The following LDLRAD3 variants were observed in gnomAD, a reference collection of about 807,000 sequenced individuals.
LDLRAD3 encodes low-density lipoprotein receptor class A domain-containing protein 3.
In LDLRAD3, 20 loss-of-function variants were observed where a neutral mutation model predicts 29.4. That is an observed-to-expected ratio of 0.68 (90% CI 0.48 to 0.99). The LOEUF is 0.99. Ranked by LOEUF, LDLRAD3 falls within the 50% of genes least tolerant of loss-of-function variation. LDLRAD3 has a pLI of 0.00. For synonymous variants in LDLRAD3, 157 were observed against 192.7 expected (o/e 0.81, Z 1.53); for missense variants, 420 against 454.3 (o/e 0.92, Z 0.69).
chr11:36,112,485 T>C (rs995783846), intron 4 of LDLRAD3, among the ~76,000 whole-genome samples: 1 of 152,248 alleles, frequency 6.6e-6, no homozygotes, highest in Non-Finnish European at 1.5e-5. Flanking sequence ...CCTCAGCAAC[T>C]TCCAGACCGT....
rs1428468733 is a variant in LDLRAD3 at position 35,990,705 on chromosome 11, C to T, written c.47-45398C>T. Among the ~76,000 whole-genome samples, 13 of 151,822 alleles carry T rather than the reference C, an allele frequency of 8.6e-5. No homozygotes were observed. In the South Asian group the frequency reaches 1.0e-3, roughly 12 times the overall value. ...TGCTGGGATTACAGGTGTAAGCCAC[C>T]GTGCCTGGCCTCTGCCTCCATCTTC... is the stretch of plus-strand genomic sequence containing the variant. On this transcript the variant is annotated intron_variant, in intron 1 of 5. Coordinates refer to ENST00000315571, the MANE Select transcript of LDLRAD3 (RefSeq NM_174902.4).
intron 1 of LDLRAD3, among the ~76,000 whole-genome samples, chr11:35,994,111 C>T (rs1005025823): frequency 1.3e-5 from 2 of 151,998 alleles, no homozygotes; most frequent in African/African-American, 4.8e-5. Flanking sequence ...CAGTCCTGTA[C>T]TTCAGCAGGG....
rs976327031 is a variant in LDLRAD3 at position 36,231,299 on chromosome 11, A to G, written c.*1902A>G. ...TGGTATTTTGTTTTGTTTAAAAAAA[A>G]AAAGAAAGAAAGAAAGAAAGAAAAA... is the stretch of plus-strand genomic sequence containing the variant. On this transcript the variant is annotated 3_prime_UTR_variant, in exon 6 of 6. Transcript: ENST00000315571. 7.2e-5 allele frequency: 11 copies of G among 152,252 alleles called. No homozygotes were observed. The South Asian group carries it at 8.3e-4, about 11-fold the overall frequency. 9.4% of individuals were successfully genotyped at this position (152,252 alleles called of 1,614,324 possible).
intron 1 of LDLRAD3, among the ~76,000 whole-genome samples, chr11:35,978,863 T>C (rs1851506412): frequency 6.6e-6 from 1 of 152,210 alleles, no homozygotes; most frequent in Non-Finnish European, 1.5e-5. Flanking sequence ...GCTTATCCTC[T>C]GAGGGGCACA....
At chr11:36,049,933 C>T (rs954602833) in intron 2 of LDLRAD3, among the ~76,000 whole-genome samples, 1 of 152,180 alleles carries the variant, frequency 6.6e-6, no homozygotes, top group Admixed American at 6.5e-5. Flanking sequence ...ATCTTGGCTC[C>T]TGCTGTCTCC....
rs1852408829 is a variant in LDLRAD3, at chr11:36,043,494, C to T, written c.193+7245C>T. Among the ~76,000 whole-genome samples, 3 of 152,322 alleles carry T rather than the reference C, an allele frequency of 2.0e-5. No individual in the cohort carries two copies. The South Asian group carries it at 6.2e-4, about 32-fold the overall frequency. On this transcript the variant is annotated intron_variant, in intron 2 of 5. Coordinates refer to ENST00000315571, the MANE Select transcript of LDLRAD3 (RefSeq NM_174902.4). ...ATAGGATATGTTGAAATCCAAACCCCCGGTATCTCAGAATGTGACCTTATT... is the reference window on the plus strand; with the variant it reads ...ATAGGATATGTTGAAATCCAAACCCTCGGTATCTCAGAATGTGACCTTATT...
chr11:35,969,424 A>G (rs1319197613), intron 1 of LDLRAD3, among the ~76,000 whole-genome samples: 2 of 152,254 alleles, frequency 1.3e-5, no homozygotes, highest in Admixed American at 6.5e-5. Context: ...TCCACTCTGC[A>G]GAAGCTTATG....
chr11:35,971,400 G>C (rs989217652), intron 1 of LDLRAD3, among the ~76,000 whole-genome samples: 21 of 152,104 alleles, frequency 1.4e-4, no homozygotes, highest in Non-Finnish European at 5.9e-5. Flanking sequence ...TGGAGATAGG[G>C]CCTTTAAAGA....
Position 35,998,370 on chromosome 11 carries a change from A to C in LDLRAD3, c.47-37733A>C, listed in dbSNP as rs538345571. ...TGGCCAATGAACATTGGATGCACCCATGAAGTAGAATCCACACATTTAATT... is the reference window on the plus strand; with the variant it reads ...TGGCCAATGAACATTGGATGCACCCCTGAAGTAGAATCCACACATTTAATT... On this transcript the variant is annotated intron_variant, in intron 1 of 5. Coordinates refer to ENST00000315571, the MANE Select transcript of LDLRAD3 (RefSeq NM_174902.4). Among the ~76,000 whole-genome samples, 6 of 152,308 alleles carry C rather than the reference A, an allele frequency of 3.9e-5. No homozygotes were observed. In the South Asian group the frequency reaches 1.0e-3, roughly 26 times the overall value.
Position 36,232,021 on chromosome 11 carries a change from C to T in LDLRAD3, c.*2624C>T, listed in dbSNP as rs960169497. The T allele has an allele frequency of 2.6e-5, 4 of 152,156 alleles. No homozygotes were observed. The highest frequency in any genetic ancestry group is 6.5e-5 in the Admixed American group (1 of 15,286). 9.4% of individuals were successfully genotyped at this position (152,156 alleles called of 1,614,324 possible). A position where few individuals can be genotyped will look rare whatever the true frequency, so the allele number is the denominator to read the frequency against. Reference sequence around the variant, plus strand: ...CAACTAAGTGGTTAATAGTGTGTGACGCTCAAAGTTAATGTAAACTGGAAA... The same window carrying T: ...CAACTAAGTGGTTAATAGTGTGTGATGCTCAAAGTTAATGTAAACTGGAAA... On this transcript the variant is annotated 3_prime_UTR_variant, in exon 6 of 6. Coordinates refer to ENST00000315571, the MANE Select transcript of LDLRAD3 (RefSeq NM_174902.4).
At chr11:36,124,888 C>T (rs1307480678) in intron 4 of LDLRAD3, among the ~76,000 whole-genome samples, 3 of 152,036 alleles carry the variant, frequency 2.0e-5, no homozygotes, top group Non-Finnish European at 2.9e-5. Context: ...GACGGGGTTT[C>T]GCCATGTTGG....
intron 2 of LDLRAD3, among the ~76,000 whole-genome samples, chr11:36,079,379 A>G (rs975756969): frequency 6.6e-6 from 1 of 152,176 alleles, no homozygotes; most frequent in African/African-American, 2.4e-5. Context: ...GAGGATGAGG[A>G]TGAGGATGAG....
At chr11:35,986,515 C>A (rs1479534670) in intron 1 of LDLRAD3, among the ~76,000 whole-genome samples, 1 of 152,182 alleles carries the variant, frequency 6.6e-6, no homozygotes, top group African/African-American at 2.4e-5. Flanking sequence ...TGGTAACAAA[C>A]TTCCTGGAAA....
At chr11:35,979,036 TTC>T (rs1412600515) in intron 1 of LDLRAD3, among the ~76,000 whole-genome samples, 1 of 152,350 alleles carries the variant, frequency 6.6e-6, no homozygotes, top group East Asian at 1.9e-4. Context: ...TGAGTTGTTT[TTC>T]TTTCCACACA....
At chr11:36,126,177 G>A (rs11825283) in intron 4 of LDLRAD3, among the ~76,000 whole-genome samples, 1 of 152,032 alleles carries the variant, frequency 6.6e-6, no homozygotes, top group Non-Finnish European at 1.5e-5. Context: ...CACTGCTCCC[G>A]ATGCCTTGCT....
chr11:36,116,844 CTTTT>C (rs58819693), intron 4 of LDLRAD3, among the ~76,000 whole-genome samples: 8 of 136,972 alleles, frequency 5.8e-5, no homozygotes, highest in Non-Finnish European at 6.3e-5. Context: ...TTCTTTTTTT[CTTTT>C]TTTTTTTTTT....
At chr11:36,080,328 A>C (rs1853094424) in intron 2 of LDLRAD3, among the ~76,000 whole-genome samples, 1 of 152,240 alleles carries the variant, frequency 6.6e-6, no homozygotes, top group African/African-American at 2.4e-5. Flanking sequence ...TTTGTTATTT[A>C]GCAGGACACT....
chr11:35,948,057 G>A (rs1367835470), intron 1 of LDLRAD3, among the ~76,000 whole-genome samples: 1 of 152,128 alleles, frequency 6.6e-6, no homozygotes, highest in Non-Finnish European at 1.5e-5. Context: ...GTGGGTGAGT[G>A]ACAAACACTA....
At chr11:36,011,590 C>T (rs991303429) in intron 1 of LDLRAD3, among the ~76,000 whole-genome samples, 2 of 151,638 alleles carry the variant, frequency 1.3e-5, no homozygotes, top group Non-Finnish European at 2.9e-5. Context: ...ATATTATAAC[C>T]TTTGAAAGGG....
Sources: gnomAD v4.1 joint callset for allele counts (sites outside exome capture counted in the v4.1 genomes callset) on GRCh38, gnomAD v4.1.1 for gene constraint, MANE v1.5 for transcripts, NCBI Gene and HGNC (gene_info 2026-07-23, HGNC 2026-07-21) for gene names.